UHRF1: variants seen among roughly 807,000 people sequenced by gnomAD.
The protein encoded by UHRF1 is E3 ubiquitin-protein ligase UHRF1.
A neutral mutation model predicts 96.5 loss-of-function variants in UHRF1; 9 were observed. That is an observed-to-expected ratio of 0.09 (90% CI 0.06 to 0.16). The LOEUF (loss-of-function observed/expected upper bound fraction) is 0.16. Among genes scored for constraint, UHRF1 ranks in the 10% least tolerant of loss-of-function variants. The pLI, the probability that UHRF1 is intolerant of heterozygous loss-of-function variation, is 1.00. For missense variants in UHRF1, 626 were observed against 1,131.1 expected (o/e 0.55, Z 6.40); for synonymous variants, 455 against 469.9 (o/e 0.97, Z 0.41).
intron 2 of UHRF1, 127 bp from the exon 3 acceptor site, chr19:4,929,093 CTT>C: frequency 7.5e-7 from 1 of 1,335,456 alleles, no homozygotes; most frequent in Non-Finnish European, 1.0e-6. Context: ...TATCATGGCT[CTT>C]TACTCTGATG....
At chr19:4,953,343 A>G (rs375744105) in intron 13 of UHRF1, among the ~76,000 whole-genome samples, 7 of 152,282 alleles carry the variant, frequency 4.6e-5, no homozygotes, top group African/African-American at 1.7e-4. Flanking sequence ...ATACGTTTGG[A>G]CTGGTGATTA....
intron 5 of UHRF1, among the ~76,000 whole-genome samples, chr19:4,938,731 T>G (rs887351238): frequency 1.2e-3 from 58 of 48,094 alleles, no homozygotes; most frequent in South Asian, 4.5e-3. Context: ...TTTGGTCAGG[T>G]TTTTTTTTTT....
At position 4,932,875 on chromosome 19, in the gene UHRF1, G is replaced by A. The variant is rs1186106912; in HGVS notation, c.704G>A (p.Arg235Gln). 2.5e-6 allele frequency: 4 copies of A among 1,613,848 alleles called. No homozygotes were observed. The highest frequency in any genetic ancestry group is 3.4e-6 in the Non-Finnish European group (4 of 1,179,888). ...TACAACCCCGACAACCCCAAGGAGCGGGGCTTCTGGTACGACGCGGAGATC... is the reference window on the plus strand; with the variant it reads ...TACAACCCCGACAACCCCAAGGAGCAGGGCTTCTGGTACGACGCGGAGATC... The part of the protein sequence containing the change: ...LNYNPDNPKE[R>Q]GFWYDAEISR... The change falls in exon 5 of 17, where the codon CGG becomes CAG. Residue 235 changes from arginine to glutamine, a missense_variant. Physicochemically the swap from Arg to Gln is conservative, Grantham distance 43. Around this residue, in one of 11 missense-constraint regions of UHRF1, gnomAD observed 198 missense variants for 235.1 expected, o/e 0.84. Coordinates refer to ENST00000650932, the MANE Select transcript of UHRF1 (RefSeq NM_001048201.3).
At chr19:4,936,243 T>G (rs2146345167) in intron 5 of UHRF1, among the ~76,000 whole-genome samples, 1 of 152,256 alleles carries the variant, frequency 6.6e-6, no homozygotes, top group Non-Finnish European at 1.5e-5. Context: ...GCAATGAGTT[T>G]GTGATGTGTG....
chr19:4,946,568 T>C (rs975679853), intron 10 of UHRF1, among the ~76,000 whole-genome samples: 1 of 151,324 alleles, frequency 6.6e-6, no homozygotes, highest in Non-Finnish European at 1.5e-5. Context: ...GATAATTCCA[T>C]GTTGAGTGTT....
intron 5 of UHRF1, among the ~76,000 whole-genome samples, chr19:4,933,246 C>T (rs886177042): frequency 4.6e-5 from 7 of 152,062 alleles, no homozygotes; most frequent in African/African-American, 7.2e-5. Context: ...TTTTTTTTAT[C>T]GCTCTGTTGC....
intron 2 of UHRF1, among the ~76,000 whole-genome samples, chr19:4,918,280 C>T (rs577012135): frequency 1.1e-4 from 16 of 151,964 alleles, no homozygotes; most frequent in Admixed American, 2.6e-4. Flanking sequence ...CCACCACGTC[C>T]GGCTAATTTT....
At chr19:4,907,302 C>A (rs912820266), upstream of UHRF1, among the ~76,000 whole-genome samples, 1 of 152,216 alleles carries the variant, frequency 6.6e-6, no homozygotes, top group African/African-American at 2.4e-5. Flanking sequence ...CACAGTCTCG[C>A]TCTGTTGTCC....
chr19:4,927,135 T>C (rs1368566717), intron 2 of UHRF1, among the ~76,000 whole-genome samples: 1 of 151,866 alleles, frequency 6.6e-6, no homozygotes, highest in Non-Finnish European at 1.5e-5. Flanking sequence ...ATCCCAGCTC[T>C]TTGGGAGGCC....
At chr19:4,929,869 C>T (rs1192396955) in intron 3 of UHRF1, among the ~76,000 whole-genome samples, 2 of 152,056 alleles carry the variant, frequency 1.3e-5, no homozygotes, top group African/African-American at 4.8e-5. Flanking sequence ...CGTGTGATCA[C>T]AGCTCACTGT....
At chr19:4,941,469 G>T (rs987914579) in intron 5 of UHRF1, 59 bp from the exon 6 acceptor site, 10 of 1,388,758 alleles carry the variant, frequency 7.2e-6, no homozygotes, top group Admixed American at 5.8e-5. Flanking sequence ...TTCAAGTGCT[G>T]TGAGTAGATT....
rs1236784186 is a variant in UHRF1, at chr19:4,930,241, C to T, written c.409-475C>T. On this transcript the variant is annotated intron_variant, in intron 3 of 16. Coordinates refer to ENST00000650932, the MANE Select transcript of UHRF1 (RefSeq NM_001048201.3). The surrounding 1 kb of genome is among the most constrained non-coding windows in gnomAD (Gnocchi z 4.4). ...CTTCCCGCCGCAGCCTCCCAAAGTG[C>T]TGGAATTATAGGTGTGAGCCACTGC... is the stretch of plus-strand genomic sequence containing the variant. 2.6e-5 allele frequency among the ~76,000 whole-genome samples: 4 copies of T among 152,180 alleles called. No homozygotes were observed. Among genetic ancestry groups the T allele is most frequent in the Non-Finnish European group, 5.9e-5 (4 of 68,022 alleles).
chr19:4,958,198 G>A (rs534160801), intron 16 of UHRF1, among the ~76,000 whole-genome samples: 10 of 152,244 alleles, frequency 6.6e-5, no homozygotes, highest in African/African-American at 9.6e-5. Context: ...AGTGCCCTGA[G>A]TGAGGTGGCA....
rs17880445 is a variant in UHRF1, at chr19:4,910,524, C to G, written c.-10-352C>G. On this transcript the variant is annotated intron_variant, in intron 1 of 16. Transcript: ENST00000650932. ...ATAGGAATCCGAGGAATGAATGAAT[C>G]AATGAATGAATGAATAAACGAACCA... The G allele has an allele frequency of 0.012, 2,436 of 203,300 alleles. 167 individuals are homozygous for G. The Admixed American group carries it at 0.13, about 11-fold the overall frequency. 12.6% of individuals were successfully genotyped at this position (203,300 alleles called of 1,614,324 possible). A position where few individuals can be genotyped will look rare whatever the true frequency, so the allele number is the denominator to read the frequency against.
chr19:4,934,759 G>T (rs2033167820), intron 5 of UHRF1, among the ~76,000 whole-genome samples: 1 of 152,258 alleles, frequency 6.6e-6, no homozygotes, highest in Non-Finnish European at 1.5e-5. Context: ...CATTTATGGT[G>T]CATCTGTGGC....
intron 9 of UHRF1, 46 bp downstream of exon 9, chr19:4,944,496 T>G: frequency 1.2e-6 from 2 of 1,604,240 alleles, no homozygotes; most frequent in Non-Finnish European, 1.7e-6. Context: ...GGGCTCATCC[T>G]GCTTTTCTGG....
rs752485706 is a variant in UHRF1, at chr19:4,954,302, C to T, written c.1819-48C>T. ...GGCTGGAAGAGCGGGCTCTGCATAG[C>T]GTGTGGGCCCCAAGCCTGACTCACG... On this transcript the variant is annotated intron_variant, in intron 13 of 16. Transcript: ENST00000650932. The surrounding 1 kb of genome is among the most constrained non-coding windows in gnomAD (Gnocchi z 5.9). 20 of 1,597,300 alleles carry T rather than the reference C, an allele frequency of 1.3e-5. No individual in the cohort carries two copies. The highest frequency in any genetic ancestry group is 2.7e-5 in the African/African-American group (2 of 74,606).
At chr19:4,936,826 G>GA (rs1221406059) in intron 5 of UHRF1, among the ~76,000 whole-genome samples, 49 of 145,246 alleles carry the variant, frequency 3.4e-4, no homozygotes, top group East Asian at 1.0e-3. Flanking sequence ...AAAGTGAAAA[G>GA]AAAAAAAAAC....
At chr19:4,945,548 C>T (rs983890617) in intron 9 of UHRF1, among the ~76,000 whole-genome samples, 8 of 152,052 alleles carry the variant, frequency 5.3e-5, no homozygotes, top group South Asian at 4.1e-4. Flanking sequence ...TGTGAGCCAC[C>T]GTGCCTGGCC....
Sources: gnomAD v4.1 joint callset for allele counts (sites outside exome capture counted in the v4.1 genomes callset) on GRCh38, gnomAD v4.1.1 for gene constraint, gnomAD v4.1.1 regional missense constraint, Gnocchi (gnomAD v3.1) non-coding constraint, MANE v1.5 for transcripts, NCBI Gene and HGNC (gene_info 2026-07-23, HGNC 2026-07-21) for gene names.